Variants in MED13L observed in about 807,000 individuals in gnomAD.
MED13L encodes the protein mediator complex subunit 13L, also known as mediator of RNA polymerase II transcription subunit 13-like.
A neutral mutation model predicts 220.9 loss-of-function variants in MED13L; 7 were observed. The ratio of observed to expected loss-of-function variants is 0.03; its 90% CI spans 0.02 to 0.06. MED13L has a LOEUF of 0.06. Ranked by LOEUF, MED13L falls within the 10% of genes least tolerant of loss-of-function variation. The probability of loss-of-function intolerance (pLI) is 1.00; values close to 1 mark genes in which losing one functional copy is unlikely to be tolerated. For synonymous variants in MED13L, 1,011 were observed against 1,015.2 expected, an observed-to-expected ratio of 1.00 and a Z score of 0.08; for missense variants, 1,965 against 2,760.5, an observed-to-expected ratio of 0.71 and a Z score of 6.46.
chr12:116,030,657 G>T (rs1880683578), intron 4 of MED13L, among the ~76,000 whole-genome samples: 1 of 152,134 alleles, frequency 6.6e-6, no homozygotes, highest in Admixed American at 6.6e-5. Context: ...TAAGGAGAGG[G>T]ATGAAAGATG....
At chr12:116,106,320 C>A (rs1032960697) in intron 3 of MED13L, among the ~76,000 whole-genome samples, 6 of 151,888 alleles carry the variant, frequency 4.0e-5, no homozygotes, top group Non-Finnish European at 7.4e-5. Context: ...GAACCACAAA[C>A]AAAGAACGAA....
intron 4 of MED13L, among the ~76,000 whole-genome samples, chr12:116,074,334 G>A (rs1870615178): frequency 6.6e-6 from 1 of 152,204 alleles, no homozygotes; most frequent in South Asian, 2.1e-4. Context: ...AGCAGAGGTT[G>A]CAGTAAGCCA....
intron 14 of MED13L, among the ~76,000 whole-genome samples, chr12:116,001,075 A>G (rs1428304161): frequency 1.3e-5 from 2 of 152,226 alleles, no homozygotes. Flanking sequence ...AAAATACTGT[A>G]TATTATTAAA....
intron 2 of MED13L, among the ~76,000 whole-genome samples, chr12:116,219,239 A>G (rs1384875544): frequency 6.6e-6 from 1 of 152,208 alleles, no homozygotes; most frequent in Non-Finnish European, 1.5e-5. Flanking sequence ...CTAATCAAGG[A>G]AAGTGAAATA....
chr12:115,985,200 T>C (rs569197636), intron 19 of MED13L, among the ~76,000 whole-genome samples: 61 of 152,332 alleles, frequency 4.0e-4, no homozygotes, highest in Admixed American at 1.4e-3. Context: ...TTGTAACTTA[T>C]GTTGAAGGTT....
At chr12:116,184,711 A>C (rs1880761952) in intron 2 of MED13L, among the ~76,000 whole-genome samples, 1 of 152,204 alleles carries the variant, frequency 6.6e-6, no homozygotes, top group South Asian at 2.1e-4. Flanking sequence ...AATTTTAAAA[A>C]ATCAATAAAA....
At chr12:116,189,497 T>C (rs114433246) in intron 2 of MED13L, among the ~76,000 whole-genome samples, 34 of 152,306 alleles carry the variant, frequency 2.2e-4, no homozygotes, top group African/African-American at 7.9e-4. Context: ...ACAAAAGCTT[T>C]AAATTTTGAT....
chr12:116,195,445 T>C (rs1033124765), intron 2 of MED13L, among the ~76,000 whole-genome samples: 2 of 151,732 alleles, frequency 1.3e-5, no homozygotes, highest in African/African-American at 2.4e-5. Context: ...AGCCTGAAAA[T>C]AGTATGCTTA....
chr12:116,020,885 A>ATT (rs1043452986), intron 5 of MED13L, among the ~76,000 whole-genome samples: 1 of 152,046 alleles, frequency 6.6e-6, no homozygotes, highest in African/African-American at 2.4e-5. Context: ...CTTTTTTTTA[A>ATT]TTTTTTTAAA....
intron 3 of MED13L, 78 bp downstream of exon 3, chr12:116,111,350 G>C: frequency 8.3e-7 from 1 of 1,199,288 alleles, no homozygotes; most frequent in African/African-American, 1.5e-5. Context: ...AAAAGTTTTT[G>C]AAAATTACAG....
intron 2 of MED13L, among the ~76,000 whole-genome samples, chr12:116,232,382 C>A (rs1037572993): frequency 2.0e-5 from 3 of 152,110 alleles, no homozygotes; most frequent in Non-Finnish European, 4.4e-5. Flanking sequence ...ATATTTAGTG[C>A]TAAATATTTG....
chr12:115,963,202 C>T (rs1395015272), intron 30 of MED13L, among the ~76,000 whole-genome samples: 2 of 152,190 alleles, frequency 1.3e-5, no homozygotes, highest in East Asian at 1.9e-4. Flanking sequence ...ATGCCTATCA[C>T]TGCCTAACTG....
chr12:116,206,742 A>G (rs779491216), intron 2 of MED13L, among the ~76,000 whole-genome samples: 1 of 152,240 alleles, frequency 6.6e-6, no homozygotes, highest in Non-Finnish European at 1.5e-5. Flanking sequence ...TACTGAAAGA[A>G]GATAAAACGC....
chr12:116,062,377 C>T lies in MED13L; in HGVS notation c.479+34292G>A, dbSNP rs145659778. On this transcript the variant is annotated intron_variant, in intron 4 of 30. Coordinates refer to ENST00000281928, the MANE Select transcript of MED13L (RefSeq NM_015335.5). Reference sequence around the variant, plus strand: ...CCATGTTGGCCAGGCTTGTCTCGAACACCTGAGCTCAAGCAATCTGCCCAC... The same window carrying T: ...CCATGTTGGCCAGGCTTGTCTCGAATACCTGAGCTCAAGCAATCTGCCCAC... Among the ~76,000 whole-genome samples, 358 of 152,128 alleles carry T rather than the reference C, an allele frequency of 2.4e-3. 2 individuals carry two copies. Among genetic ancestry groups the T allele is most frequent in the African/African-American group, 8.3e-3 (343 of 41,536 alleles).
At chr12:116,165,260 T>C (rs1460192297) in intron 2 of MED13L, among the ~76,000 whole-genome samples, 1 of 31,976 alleles carries the variant, frequency 3.1e-5, no homozygotes, top group Admixed American at 2.1e-4. Flanking sequence ...GGCACCATCC[T>C]TTTTTTTTTT....
chr12:116,078,938 G>A (rs1380271450), intron 4 of MED13L, among the ~76,000 whole-genome samples: 1 of 152,156 alleles, frequency 6.6e-6, no homozygotes, highest in African/African-American at 2.4e-5. Context: ...ATTTCAGAAT[G>A]ACATCAAGAT....
At chr12:116,260,914 T>C (rs1467584169) in intron 1 of MED13L, among the ~76,000 whole-genome samples, 1 of 152,188 alleles carries the variant, frequency 6.6e-6, no homozygotes, top group Admixed American at 6.5e-5. Flanking sequence ...CTATTAAAAG[T>C]AGATGCTCTA....
intron 4 of MED13L, among the ~76,000 whole-genome samples, chr12:116,047,335 G>C (rs1473720229): frequency 1.3e-5 from 2 of 152,194 alleles, no homozygotes; most frequent in Non-Finnish European, 2.9e-5. Flanking sequence ...CTGGGTGACA[G>C]AGAAAGAGCC....
At position 116,237,833 on chromosome 12, in the gene MED13L, C is replaced by T; in HGVS notation, c.73-128G>A. ...CACGAAACTTCATATCATAAGATTC[C>T]TCCCAGTGAAGAATGTATGTCAATC... On this transcript the variant is annotated intron_variant, in intron 1 of 30. Transcript: ENST00000281928. The T allele has an allele frequency of 1.7e-5, 14 of 844,296 alleles. No individual in the cohort carries two copies. In the South Asian group the frequency reaches 2.0e-4, roughly 12 times the overall value. The allele number at this position is 844,296 out of a possible 1,614,324, so 52.3% of individuals were successfully genotyped here. A position where few individuals can be genotyped will look rare whatever the true frequency, so the allele number is the denominator to read the frequency against.
Sources: gnomAD v4.1 joint callset for allele counts (sites outside exome capture counted in the v4.1 genomes callset) on GRCh38, gnomAD v4.1.1 for gene constraint, MANE v1.5 for transcripts, NCBI Gene and HGNC (gene_info 2026-07-23, HGNC 2026-07-21) for gene names.